Variants in FAM13B observed in about 807,000 individuals in gnomAD.
FAM13B encodes family with sequence similarity 13 member B, also known as protein FAM13B.
FAM13B carries 60 observed loss-of-function variants against 117.3 expected under a neutral mutation model. That is an observed-to-expected ratio of 0.51 (90% CI 0.42 to 0.63). FAM13B has a LOEUF of 0.63. Ranked by LOEUF, FAM13B falls within the 30% of genes least tolerant of loss-of-function variation. FAM13B has a pLI of 0.00. For missense variants in FAM13B, 972 were observed against 1,091.9 expected (o/e 0.89, Z 1.55); for synonymous variants, 332 against 356.1 (o/e 0.93, Z 0.76).
intron 10 of FAM13B, among the ~76,000 whole-genome samples, chr5:137,981,724 T>C (rs1014593745): frequency 4.6e-5 from 7 of 151,718 alleles, no homozygotes; most frequent in African/African-American, 1.5e-4. Flanking sequence ...GGGCAGAGGC[T>C]GTACTGTGCC....
In FAM13B at chr5:137,943,227, C is replaced by T. The variant is rs1164247855; in HGVS notation, c.2341-11G>A. ...GGTGGATGGAGATCCCTATAACAAT[C>T]AATAATATAAATAGTTTTACATTTT... On this transcript the variant is annotated splice_polypyrimidine_tract_variant and intron_variant, in intron 20 of 23. Coordinates refer to ENST00000689681, the MANE Select transcript of FAM13B (RefSeq NM_001385994.1). The T allele has an allele frequency of 1.2e-6, 2 of 1,601,696 alleles. No homozygotes were observed. The highest frequency in any genetic ancestry group is 1.7e-6 in the Non-Finnish European group (2 of 1,170,224).
chr5:138,006,928 G>A (rs1270740356), intron 7 of FAM13B, 62 bp downstream of exon 7: 2 of 1,435,834 alleles, frequency 1.4e-6, no homozygotes, highest in Non-Finnish European at 1.9e-6. Context: ...CTGAATGCTG[G>A]AGTGAGTTTA....
chr5:137,943,531 G>A (rs1378204442), intron 20 of FAM13B, among the ~76,000 whole-genome samples: 1 of 152,202 alleles, frequency 6.6e-6, no homozygotes, highest in Non-Finnish European at 1.5e-5. Context: ...CGGATCACAG[G>A]TAAGGAGATC....
intron 5 of FAM13B, 149 bp from the exon 6 acceptor site, chr5:138,011,298 T>C (rs1783937450): frequency 1.5e-6 from 1 of 687,754 alleles, no homozygotes; most frequent in South Asian, 2.0e-5. Context: ...CTACCTAATT[T>C]GTACCCTGTT....
chr5:137,985,138 A>G, intron 10 of FAM13B, 119 bp downstream of exon 10: 1 of 996,092 alleles, frequency 1.0e-6, no homozygotes, highest in Non-Finnish European at 1.5e-6. Flanking sequence ...ATTCTTGGGG[A>G]TTTATAATTG....
chr5:137,960,009 C>A (rs779020711), intron 12 of FAM13B, among the ~76,000 whole-genome samples, 157 bp downstream of exon 12: 1 of 152,098 alleles, frequency 6.6e-6, no homozygotes, highest in Non-Finnish European at 1.5e-5. Context: ...CTCTTGTAAC[C>A]AAAAGTGGCA....
intron 10 of FAM13B, among the ~76,000 whole-genome samples, chr5:137,969,831 G>T (rs1339754683): frequency 6.6e-6 from 1 of 152,168 alleles, no homozygotes; most frequent in Non-Finnish European, 1.5e-5. Flanking sequence ...CTCAGGAGCC[G>T]ATGCAATCAA....
rs1166329760 is a variant in FAM13B at position 138,032,885 on chromosome 5, A to G, written c.-306T>C. 7.1e-6 allele frequency: 7 copies of G among 985,570 alleles called. No individual in the cohort carries two copies. The highest frequency in any genetic ancestry group is 8.4e-6 in the Non-Finnish European group (7 of 829,986). 61.1% of individuals were successfully genotyped at this position (985,570 alleles called of 1,614,324 possible). On this transcript the variant is annotated 5_prime_UTR_variant, in exon 1 of 24. Transcript: ENST00000689681. ...GAGGCCCCAAGTGGCTCCGCGGCCG[A>G]GAAGCCTCTTCCTGGGGCGGCCGCT... is the stretch of plus-strand genomic sequence containing the variant.
intron 7 of FAM13B, among the ~76,000 whole-genome samples, chr5:137,992,952 A>G (rs1232517996): frequency 6.6e-6 from 1 of 151,696 alleles, no homozygotes; most frequent in Non-Finnish European, 1.5e-5. Context: ...TGAATTGTCC[A>G]CCAACAGCAA....
chr5:138,047,443 T>C (rs1581335320), intron 1 of FAM13B, among the ~76,000 whole-genome samples: 1 of 150,536 alleles, frequency 6.6e-6, no homozygotes, highest in African/African-American at 2.4e-5. Context: ...GAGGCAGAGG[T>C]TGCAGTGAGC....
At chr5:137,995,122 T>C (rs772984487) in intron 7 of FAM13B, among the ~76,000 whole-genome samples, 12 of 152,328 alleles carry the variant, frequency 7.9e-5, no homozygotes, top group Middle Eastern at 3.4e-3. Context: ...GATAGGCTTA[T>C]AAAAACTGCT....
intron 1 of FAM13B, among the ~76,000 whole-genome samples, chr5:138,032,553 G>C (rs1790398827): frequency 6.6e-6 from 1 of 152,198 alleles, no homozygotes. Flanking sequence ...ATCCAAGGCT[G>C]CCACACCCCC....
intron 10 of FAM13B, among the ~76,000 whole-genome samples, chr5:137,971,936 C>T (rs1216495589): frequency 6.6e-6 from 1 of 152,158 alleles, no homozygotes; most frequent in East Asian, 1.9e-4. Context: ...TCTGAATAGA[C>T]CAAGAACAGG....
rs536570087 is a variant in FAM13B at position 137,990,775 on chromosome 5, C to T, written c.849-2460G>A. On this transcript the variant is annotated intron_variant, in intron 7 of 23. Transcript: ENST00000689681. ...TTTGAGGCCACCCTGGGCAACATAGCGAGACCCCCATCTCAAAAAAAATAA... is the reference window on the plus strand; with the variant it reads ...TTTGAGGCCACCCTGGGCAACATAGTGAGACCCCCATCTCAAAAAAAATAA... Among the ~76,000 whole-genome samples, 8 of 151,852 alleles carry T rather than the reference C, an allele frequency of 5.3e-5. No individual in the cohort carries two copies. The East Asian group carries it at 9.7e-4, about 18-fold the overall frequency.
intron 10 of FAM13B, among the ~76,000 whole-genome samples, chr5:137,982,504 G>C (rs1448440458): frequency 6.7e-6 from 1 of 148,748 alleles, no homozygotes; most frequent in African/African-American, 2.5e-5. Context: ...TGGGCAAGAA[G>C]AGCGAAACTC....
At chr5:138,025,869 T>C (rs1282647053) in intron 1 of FAM13B, among the ~76,000 whole-genome samples, 1 of 152,174 alleles carries the variant, frequency 6.6e-6, no homozygotes, top group East Asian at 1.9e-4. Flanking sequence ...ACTAGCCAAC[T>C]TACAAATATA....
chr5:137,956,763 G>C (rs937800350), intron 13 of FAM13B, among the ~76,000 whole-genome samples: 4 of 150,278 alleles, frequency 2.7e-5, no homozygotes, highest in Admixed American at 2.6e-4. Flanking sequence ...AAAAAGGGGG[G>C]GGAAAACTCA....
intron 18 of FAM13B, 162 bp from the exon 19 acceptor site, chr5:137,946,473 G>T: frequency 1.9e-6 from 1 of 536,540 alleles, no homozygotes; most frequent in Non-Finnish European, 3.2e-6. Flanking sequence ...TTGCAGATTT[G>T]CAGGCAAAAT....
intron 1 of FAM13B, among the ~76,000 whole-genome samples, chr5:138,029,643 T>G (rs927308515): frequency 1.4e-4 from 22 of 152,158 alleles, no homozygotes; most frequent in African/African-American, 5.3e-4. Context: ...TGCTCCAAAT[T>G]AGGACCATAG....
Sources: allele counts gnomAD v4.1 joint callset (sites outside exome capture counted in the v4.1 genomes callset), GRCh38; gene constraint gnomAD v4.1.1; transcripts MANE v1.5; gene names NCBI Gene and HGNC (gene_info 2026-07-23, HGNC 2026-07-21).